Variants in SLC24A2 observed in about 807,000 individuals in gnomAD.
The protein encoded by SLC24A2 is sodium/potassium/calcium exchanger 2.
In SLC24A2, 36 loss-of-function variants were observed where a neutral mutation model predicts 62.0. The observed-to-expected ratio is 0.58, with a 90% CI of 0.44 to 0.77. The LOEUF is 0.77. Ranked by LOEUF, SLC24A2 falls within the 30% of genes least tolerant of loss-of-function variation. The pLI is 0.00. For synonymous variants in SLC24A2, 358 were observed against 294.0 expected (o/e 1.22, Z -2.23); for missense variants, 846 against 817.9 (o/e 1.03, Z -0.42).
At chr9:19,794,233 G>A in the SLC24A2 span, among the ~76,000 whole-genome samples, 1 of 152,096 alleles carries the variant, frequency 6.6e-6, no homozygotes, top group African/African-American at 2.4e-5. Flanking sequence ...GAATTTTTCT[G>A]GCCTTAAATG....
chr9:19,958,785 A>G, the SLC24A2 span, among the ~76,000 whole-genome samples: 1 of 152,200 alleles, frequency 6.6e-6, no homozygotes, highest in African/African-American at 2.4e-5. Context: ...ATGTAAAAAT[A>G]CTGTGTGAGA....
At chr9:20,047,220 G>A in the SLC24A2 span, among the ~76,000 whole-genome samples, 3 of 152,138 alleles carry the variant, frequency 2.0e-5, no homozygotes, top group African/African-American at 7.2e-5. Flanking sequence ...CAGCTTTGGA[G>A]TCAAGTTGCC....
the SLC24A2 span, among the ~76,000 whole-genome samples, chr9:20,137,170 G>C: frequency 6.6e-6 from 1 of 152,144 alleles, no homozygotes; most frequent in Non-Finnish European, 1.5e-5. Flanking sequence ...TCATTGATGT[G>C]TGTGTAAATG....
At chr9:20,126,686 C>T in the SLC24A2 span, among the ~76,000 whole-genome samples, 1 of 152,114 alleles carries the variant, frequency 6.6e-6, no homozygotes, top group Non-Finnish European at 1.5e-5. Context: ...GAATTTTGCT[C>T]ATCCACCACT....
the SLC24A2 span, among the ~76,000 whole-genome samples, chr9:20,184,042 T>A: frequency 6.6e-6 from 1 of 152,200 alleles, no homozygotes; most frequent in Admixed American, 6.5e-5. Flanking sequence ...ATACACAAAA[T>A]GTGTAAGGAA....
chr9:19,639,737 GAC>G (rs960753739), intron 2 of SLC24A2, among the ~76,000 whole-genome samples: 18 of 152,232 alleles, frequency 1.2e-4, no homozygotes, highest in African/African-American at 4.3e-4. Flanking sequence ...AACTGAGACA[GAC>G]ACATCTCCTC....
chr9:19,842,503 G>T, the SLC24A2 span, among the ~76,000 whole-genome samples: 1 of 152,104 alleles, frequency 6.6e-6, no homozygotes, highest in East Asian at 1.9e-4. Context: ...AGAATACATG[G>T]GTCCAGAAAT....
At chr9:20,216,650 T>A in the SLC24A2 span, among the ~76,000 whole-genome samples, 1 of 152,192 alleles carries the variant, frequency 6.6e-6, no homozygotes, top group Non-Finnish European at 1.5e-5. Flanking sequence ...TGTCTCATTT[T>A]TGGTAGGTTA....
At chr9:19,620,994 A>G (rs950111009) in intron 3 of SLC24A2, among the ~76,000 whole-genome samples, 2 of 152,096 alleles carry the variant, frequency 1.3e-5, no homozygotes, top group African/African-American at 4.8e-5. Context: ...TATATATTGG[A>G]AAGTGCTATA....
At chr9:19,829,763 ATATGTGTG>A in the SLC24A2 span, among the ~76,000 whole-genome samples, 458 of 76,074 alleles carry the variant, frequency 6.0e-3, 1 homozygote, top group African/African-American at 8.4e-3. Flanking sequence ...TTTTATATAT[ATATGTGTG>A]TGTGTGTGTG....
intron 2 of SLC24A2, among the ~76,000 whole-genome samples, chr9:19,704,566 A>C (rs927043241): frequency 6.6e-6 from 1 of 152,198 alleles, no homozygotes; most frequent in Non-Finnish European, 1.5e-5. Context: ...CTATATTTTC[A>C]ATTCCTTTTC....
At chr9:19,723,947 T>C (rs113252592) in intron 2 of SLC24A2, among the ~76,000 whole-genome samples, 32 of 152,268 alleles carry the variant, frequency 2.1e-4, no homozygotes, top group African/African-American at 6.7e-4. Context: ...CTATTTTTTA[T>C]TAAAATTTAC....
At chr9:19,975,188 A>G in the SLC24A2 span, among the ~76,000 whole-genome samples, 1 of 152,216 alleles carries the variant, frequency 6.6e-6, no homozygotes, top group Non-Finnish European at 1.5e-5. Context: ...TTTAGGCTCC[A>G]GGTCTAAGAG....
the SLC24A2 span, among the ~76,000 whole-genome samples, chr9:20,116,364 G>A: frequency 6.6e-6 from 1 of 152,272 alleles, no homozygotes; most frequent in East Asian, 1.9e-4. Flanking sequence ...TTTATGAGGT[G>A]TGGTTTCAAA....
At chr9:20,034,742 A>G in the SLC24A2 span, among the ~76,000 whole-genome samples, 2 of 152,180 alleles carry the variant, frequency 1.3e-5, no homozygotes, top group Admixed American at 6.5e-5. Flanking sequence ...TGCTGGGATT[A>G]CAGGCGTGAG....
the SLC24A2 span, among the ~76,000 whole-genome samples, chr9:20,089,105 G>C: frequency 9.2e-5 from 14 of 152,286 alleles, no homozygotes; most frequent in African/African-American, 3.4e-4. Flanking sequence ...CTGGGATAGA[G>C]CTCCCAGTGG....
At chr9:19,554,307 C>G (rs748367445) in intron 7 of SLC24A2, among the ~76,000 whole-genome samples, 4 of 152,180 alleles carry the variant, frequency 2.6e-5, no homozygotes, top group Non-Finnish European at 4.4e-5. Context: ...AAAAGTGATA[C>G]AAATAAAAAG....
chr9:20,021,430 T>C, the SLC24A2 span, among the ~76,000 whole-genome samples: 1 of 152,012 alleles, frequency 6.6e-6, no homozygotes, highest in Non-Finnish European at 1.5e-5. Flanking sequence ...GCTGTTCCAA[T>C]TGCTATTAAT....
At chr9:20,068,952 T>C in the SLC24A2 span, among the ~76,000 whole-genome samples, 5 of 152,180 alleles carry the variant, frequency 3.3e-5, no homozygotes, top group Non-Finnish European at 7.3e-5. Context: ...AACCTACAAA[T>C]ATAACAGCTG....
Sources: allele counts gnomAD v4.1 joint callset (sites outside exome capture counted in the v4.1 genomes callset), GRCh38; gene constraint gnomAD v4.1.1; transcripts MANE v1.5; gene names NCBI Gene and HGNC (gene_info 2026-07-23, HGNC 2026-07-21).